The following ATRNL1 variants were observed in gnomAD, a reference collection of about 807,000 sequenced individuals.
ATRNL1 encodes attractin-like protein 1.
A neutral mutation model predicts 182.7 loss-of-function variants in ATRNL1; 95 were observed. The observed-to-expected ratio is 0.52, with a 90% CI of 0.44 to 0.62. The LOEUF is 0.62. ATRNL1 is among the 20% of genes least tolerant of loss of function. ATRNL1 has a pLI of 0.00. For synonymous variants in ATRNL1, 576 were observed against 568.3 expected, an observed-to-expected ratio of 1.01 and a Z score of -0.19; for missense variants, 1,471 against 1,679.5, an observed-to-expected ratio of 0.88 and a Z score of 2.17.
intron 26 of ATRNL1, among the ~76,000 whole-genome samples, chr10:115,570,879 A>G (rs1854348626): frequency 6.6e-6 from 1 of 152,220 alleles, no homozygotes; most frequent in Non-Finnish European, 1.5e-5. Context: ...GCCCTCAGTT[A>G]GGACTCCACG....
chr10:115,300,125 G>A lies in ATRNL1; in HGVS notation c.2507G>A (p.Trp836Ter), dbSNP rs1177253145. The A allele has an allele frequency of 6.2e-7, 1 of 1,613,886 alleles. No homozygotes were observed. The highest frequency in any genetic ancestry group is 1.3e-5 in the African/African-American group (1 of 74,882). The change falls in exon 16 of 29, where the codon TGG (tryptophan) becomes TAG (stop). Residue 836 changes from tryptophan to a stop codon, truncating the protein, a stop_gained. Coordinates refer to ENST00000355044, the MANE Select transcript of ATRNL1 (RefSeq NM_207303.4). LOFTEE classifies it high-confidence loss of function. ...CCTTTTACAAACACAACACTACAGT[G>A]GCTTCCTGGCGAACCCAATGATTCT... ...MSPFTNTTLQ[W>*]LPGEPNDSGF...
At chr10:115,347,005 C>T (rs1226405201) in intron 19 of ATRNL1, among the ~76,000 whole-genome samples, 1 of 152,044 alleles carries the variant, frequency 6.6e-6, no homozygotes, top group Admixed American at 6.6e-5. Context: ...ATGAATGGCT[C>T]TATTAGCTCC....
At chr10:115,340,951 A>G (rs1178912785) in intron 19 of ATRNL1, among the ~76,000 whole-genome samples, 3 of 150,656 alleles carry the variant, frequency 2.0e-5, no homozygotes, top group Non-Finnish European at 4.4e-5. Context: ...AGGTTTTTCT[A>G]TTTTGTTTAA....
chr10:115,455,150 A>G (rs1198564360), intron 21 of ATRNL1, among the ~76,000 whole-genome samples: 4 of 152,134 alleles, frequency 2.6e-5, no homozygotes, highest in African/African-American at 9.7e-5. Flanking sequence ...TGATGATAAC[A>G]TAATTTTTAT....
At chr10:115,441,124 A>G (rs1363540509) in intron 21 of ATRNL1, among the ~76,000 whole-genome samples, 6 of 151,770 alleles carry the variant, frequency 4.0e-5, no homozygotes, top group Non-Finnish European at 8.8e-5. Context: ...TTTTGCTCTA[A>G]ATTTTATACC....
chr10:115,934,220 A>T (rs1555122338), intron 28 of ATRNL1, among the ~76,000 whole-genome samples: 1 of 152,142 alleles, frequency 6.6e-6, no homozygotes, highest in African/African-American at 2.4e-5. Context: ...GCCTGCCACC[A>T]ATCAGGAACA....
chr10:115,457,612 C>T (rs1847589904), intron 21 of ATRNL1, among the ~76,000 whole-genome samples: 1 of 152,062 alleles, frequency 6.6e-6, no homozygotes, highest in Admixed American at 6.6e-5. Flanking sequence ...CCCAACCCCT[C>T]ATCCTCCATT....
chr10:115,697,606 A>G (rs1555050273), intron 26 of ATRNL1, among the ~76,000 whole-genome samples: 1 of 152,234 alleles, frequency 6.6e-6, no homozygotes, highest in Non-Finnish European at 1.5e-5. Context: ...GATTACAGGC[A>G]TGAGCCACTG....
chr10:115,826,846 A>T (rs900382325), intron 27 of ATRNL1, among the ~76,000 whole-genome samples: 4 of 152,146 alleles, frequency 2.6e-5, no homozygotes, highest in African/African-American at 7.2e-5. Context: ...GAACCAATTG[A>T]AAAAGAGTGG....
chr10:115,662,296 A>G (rs1555038186), intron 26 of ATRNL1, among the ~76,000 whole-genome samples: 2 of 152,124 alleles, frequency 1.3e-5, no homozygotes. Context: ...GTGATCATTA[A>G]AAAGTCAGGA....
At chr10:115,738,136 T>G (rs938358726) in intron 27 of ATRNL1, among the ~76,000 whole-genome samples, 7 of 89,614 alleles carry the variant, frequency 7.8e-5, no homozygotes, top group African/African-American at 3.2e-4. Flanking sequence ...ATTTTTTTTT[T>G]TTTTTTTTTT....
chr10:115,395,964 G>C (rs1456318282), intron 20 of ATRNL1, among the ~76,000 whole-genome samples: 1 of 151,158 alleles, frequency 6.6e-6, no homozygotes, highest in Non-Finnish European at 1.5e-5. Context: ...CAGAAACATA[G>C]GGAAAGTTTA....
intron 28 of ATRNL1, among the ~76,000 whole-genome samples, chr10:115,880,449 C>T (rs1951801251): frequency 6.6e-6 from 1 of 152,150 alleles, no homozygotes; most frequent in Non-Finnish European, 1.5e-5. Context: ...CATGGTGAAA[C>T]CCAGTCTCTA....
intron 24 of ATRNL1, among the ~76,000 whole-genome samples, chr10:115,485,122 T>C (rs1388034208): frequency 6.6e-6 from 1 of 152,008 alleles, no homozygotes; most frequent in Middle Eastern, 3.2e-3. Context: ...CTATGTCAGA[T>C]GTGGCATTTG....
At chr10:115,404,213 C>G (rs1494171) in intron 20 of ATRNL1, among the ~76,000 whole-genome samples, 11,266 of 152,194 alleles carry the variant, frequency 0.074, 1,403 homozygotes, top group African/African-American at 0.26. Context: ...ATACCAACAC[C>G]TTGTCCCTCA....
At chr10:115,559,443 TGC>T (rs71476112) in intron 26 of ATRNL1, among the ~76,000 whole-genome samples, 2 of 77,788 alleles carry the variant, frequency 2.6e-5, no homozygotes, top group Admixed American at 9.8e-5. Flanking sequence ...TGTGTGTGTG[TGC>T]GCGCGCGCAC....
At chr10:115,547,565 C>T (rs1282995977) in intron 25 of ATRNL1, among the ~76,000 whole-genome samples, 1 of 151,556 alleles carries the variant, frequency 6.6e-6, no homozygotes, top group Non-Finnish European at 1.5e-5. Flanking sequence ...TCTTTGGGGG[C>T]AAGAGAAAAG....
At chr10:115,367,668 C>T (rs555903202) in intron 19 of ATRNL1, among the ~76,000 whole-genome samples, 13,419 of 106,568 alleles carry the variant, frequency 0.13, 1,284 homozygotes, top group Non-Finnish European at 0.21. Context: ...TTTTGGTCGT[C>T]GATGATGGTG....
chr10:115,789,531 C>T (rs1007798266), intron 27 of ATRNL1, among the ~76,000 whole-genome samples: 2 of 152,096 alleles, frequency 1.3e-5, no homozygotes, highest in Admixed American at 6.6e-5. Flanking sequence ...GGCTCAACTG[C>T]GGGGGTTGTG....
Sources: gnomAD v4.1 joint callset for allele counts (sites outside exome capture counted in the v4.1 genomes callset) on GRCh38, gnomAD v4.1.1 for gene constraint, MANE v1.5 for transcripts, NCBI Gene and HGNC (gene_info 2026-07-23, HGNC 2026-07-21) for gene names.